The following CFAP36 variants were observed in gnomAD, a reference collection of about 807,000 sequenced individuals.
CFAP36 encodes the protein cilia and flagella associated protein 36.
A neutral mutation model predicts 50.5 loss-of-function variants in CFAP36; 37 were observed. That is an observed-to-expected ratio of 0.73 (90% CI 0.56 to 0.96). CFAP36 has a LOEUF of 0.96. Among genes scored for constraint, CFAP36 ranks in the 50% least tolerant of loss-of-function variants. CFAP36 has a pLI of 0.00. For synonymous variants in CFAP36, 138 were observed against 128.2 expected (o/e 1.08, Z -0.52); for missense variants, 407 against 396.2 (o/e 1.03, Z -0.23).
At chr2:55,535,674 G>T in intron 5 of CFAP36, 38 bp from the exon 6 acceptor site, 1 of 1,453,586 alleles carries the variant, frequency 6.9e-7, no homozygotes, top group South Asian at 1.4e-5. Context: ...GACCAAAAAA[G>T]GAAATTTATC....
At chr2:55,534,053 A>T in intron 5 of CFAP36, 93 bp downstream of exon 5, 1 of 610,600 alleles carries the variant, frequency 1.6e-6, no homozygotes, top group Non-Finnish European at 2.8e-6. Context: ...AACTAATAAA[A>T]TTGCTAAATT....
intron 4 of CFAP36, among the ~76,000 whole-genome samples, chr2:55,529,735 C>T (rs1175512924): frequency 6.6e-6 from 1 of 151,136 alleles, no homozygotes; most frequent in Non-Finnish European, 1.5e-5. Context: ...CATGCTCTGC[C>T]TTGCGGGTTT....
At chr2:55,525,198 T>C (rs1388724095) in intron 3 of CFAP36, among the ~76,000 whole-genome samples, 1 of 151,966 alleles carries the variant, frequency 6.6e-6, no homozygotes, top group Non-Finnish European at 1.5e-5. Context: ...ATGCCTATAA[T>C]CCCAGCACTT....
At chr2:55,538,771 A>C (rs1204851448) in intron 7 of CFAP36, 72 of 1,544,932 alleles carry the variant, frequency 4.7e-5, no homozygotes, top group Non-Finnish European at 6.2e-5. Context: ...AAAGAAATTC[A>C]AGGAAGCTGA....
intron 1 of CFAP36, 97 bp downstream of exon 1, chr2:55,520,013 A>G (rs1222287584): frequency 4.9e-5 from 53 of 1,086,258 alleles, no homozygotes; most frequent in Non-Finnish European, 6.9e-5. Context: ...CGTCTCCCCG[A>G]CCCCCTGTCT....
At chr2:55,540,814 C>T (rs1341734467) in intron 7 of CFAP36, among the ~76,000 whole-genome samples, 1 of 151,920 alleles carries the variant, frequency 6.6e-6, no homozygotes, top group Non-Finnish European at 1.5e-5. Context: ...AGTTCAAAAC[C>T]AGCCTGGGCA....
intron 1 of CFAP36, among the ~76,000 whole-genome samples, chr2:55,520,729 C>A (rs1289976688): frequency 6.6e-6 from 1 of 152,138 alleles, no homozygotes; most frequent in African/African-American, 2.4e-5. Context: ...GTTGTTTAAT[C>A]GGGCAAGACT....
intron 3 of CFAP36, 143 bp from the exon 4 acceptor site, chr2:55,528,735 A>G: frequency 3.5e-6 from 2 of 564,268 alleles, no homozygotes; most frequent in Non-Finnish European, 6.3e-6. Context: ...AAATTTTAAA[A>G]TTGTCCTTTT....
At chr2:55,541,880 A>T (rs929436605) in intron 7 of CFAP36, among the ~76,000 whole-genome samples, 2 of 152,154 alleles carry the variant, frequency 1.3e-5, no homozygotes, top group Non-Finnish European at 2.9e-5. Flanking sequence ...GTTCCTCTCT[A>T]TTCCTAGTTT....
chr2:55,523,419 A>G (rs1260773943), intron 2 of CFAP36, among the ~76,000 whole-genome samples: 1 of 152,100 alleles, frequency 6.6e-6, no homozygotes, highest in Non-Finnish European at 1.5e-5. Flanking sequence ...CATCTCAAAA[A>G]AGAAAGAAAA....
At position 55,545,058 on chromosome 2, in the gene CFAP36, AATT is replaced by A. The variant is rs761126656; in HGVS notation, c.*54_*56del. On this transcript the variant is annotated 3_prime_UTR_variant, in exon 10 of 10. Coordinates refer to ENST00000349456, the MANE Select transcript of CFAP36 (RefSeq NM_080667.7). ...GGAAGTTCAAATTGTCTTAAAAATA[AATT>A]ATTTAGTCCTTACACTGAGCCTTTT... is the stretch of plus-strand genomic sequence containing the variant. 55 of 1,123,298 alleles carry A rather than the reference AATT, an allele frequency of 4.9e-5. No individual in the cohort carries two copies. The highest frequency in any genetic ancestry group is 2.5e-5 in the Admixed American group (1 of 40,678). The allele number at this position is 1,123,298 out of a possible 1,614,324, so 69.6% of individuals were successfully genotyped here. A position where few individuals can be genotyped will look rare whatever the true frequency, so the allele number is the denominator to read the frequency against.
intron 7 of CFAP36, chr2:55,539,607 C>T (rs891506202): frequency 2.6e-5 from 4 of 152,204 alleles, no homozygotes; most frequent in African/African-American, 9.7e-5. Context: ...TTTGTTTGGA[C>T]ATAGCTTTCA....
chr2:55,536,894 G>A (rs924230678), intron 6 of CFAP36, among the ~76,000 whole-genome samples: 11 of 146,334 alleles, frequency 7.5e-5, no homozygotes, highest in Non-Finnish European at 1.6e-4. Flanking sequence ...ATAGGTGCCT[G>A]CCACCACTCT....
chr2:55,525,423 C>T (rs1256042729), intron 3 of CFAP36, among the ~76,000 whole-genome samples: 1 of 152,130 alleles, frequency 6.6e-6, no homozygotes, highest in African/African-American at 2.4e-5. Flanking sequence ...TGCCACTGTA[C>T]TCCAGCCTGG....
At chr2:55,537,416 T>C in intron 6 of CFAP36, 67 bp from the exon 7 acceptor site, 3 of 1,015,716 alleles carry the variant, frequency 3.0e-6, no homozygotes, top group Non-Finnish European at 4.5e-6. Flanking sequence ...ATCCTTTAGG[T>C]AGTGAATTAG....
intron 2 of CFAP36, among the ~76,000 whole-genome samples, chr2:55,523,369 C>T (rs1574611684): frequency 6.6e-6 from 1 of 151,334 alleles, no homozygotes; most frequent in African/African-American, 2.4e-5. Flanking sequence ...GAGCCGAGAT[C>T]GTACCACTGC....
chr2:55,531,076 T>C (rs1244187952), intron 4 of CFAP36: 4 of 152,160 alleles, frequency 2.6e-5, no homozygotes, highest in African/African-American at 4.8e-5. Context: ...CAGCAGCTAA[T>C]AGCGCTGTTG....
rs761298828 is a variant in CFAP36, at chr2:55,533,956, C to T, written c.481C>T (p.Leu161Phe). The T allele has an allele frequency of 6.3e-7, 1 of 1,585,364 alleles. No homozygotes were observed. The highest frequency in any genetic ancestry group is 1.7e-5 in the Admixed American group (1 of 59,400). ...AGAGATGAAAATCCTGAGGGAAGTT[C>T]TTAGGTACCATTCTTTAATTGTTTT... ...HEEMKILREV[L>F]RKSKEEYDQE... Residue 161 changes from leucine (L) to phenylalanine (F), a missense_variant, in exon 5 of 10, where the codon CTT (leucine) becomes TTT (phenylalanine). Leu to Phe is a conservative substitution (Grantham distance 22, BLOSUM62 0). Coordinates refer to ENST00000349456, the MANE Select transcript of CFAP36 (RefSeq NM_080667.7).
chr2:55,523,248 CAAAAAA>C (rs34360176), intron 2 of CFAP36, among the ~76,000 whole-genome samples: 1 of 140,400 alleles, frequency 7.1e-6, no homozygotes. Context: ...CCATCTCTAC[CAAAAAA>C]AAAAAAAAAA....
Sources: gnomAD v4.1 joint callset for allele counts (sites outside exome capture counted in the v4.1 genomes callset) on GRCh38, gnomAD v4.1.1 for gene constraint, MANE v1.5 for transcripts, NCBI Gene and HGNC (gene_info 2026-07-23, HGNC 2026-07-21) for gene names.